ANKRD36: variants seen among roughly 807,000 people sequenced by gnomAD.
ANKRD36 encodes the protein ankyrin repeat domain-containing protein 36A.
In ANKRD36, 179 loss-of-function variants were observed where a neutral mutation model predicts 278.1. That is an observed-to-expected ratio of 0.64 (90% confidence interval 0.57 to 0.73). ANKRD36 has a LOEUF of 0.73. Ranked by LOEUF, ANKRD36 falls within the 30% of genes least tolerant of loss-of-function variation. The probability of loss-of-function intolerance (pLI) is 0.00; values close to 1 mark genes in which losing one functional copy is unlikely to be tolerated. For synonymous variants in ANKRD36, 320 were observed against 641.1 expected (o/e 0.50, Z 7.57); for missense variants, 1,159 against 1,956.7 (o/e 0.59, Z 7.69).
chr2:97,129,076 C>T (rs2039378945), intron 6 of ANKRD36, among the ~76,000 whole-genome samples: 1 of 152,086 alleles, frequency 6.6e-6, no homozygotes, highest in South Asian at 2.1e-4. Context: ...AACTAGTTTA[C>T]AGTCCCACCA....
intron 3 of ANKRD36, among the ~76,000 whole-genome samples, chr2:97,120,728 A>G (rs2036566331): frequency 6.6e-6 from 1 of 152,116 alleles, no homozygotes; most frequent in African/African-American, 2.4e-5. Context: ...TTACATGAAA[A>G]TACTTGTGTT....
At chr2:97,260,446 GT>G (rs1559062951) in intron 75 of ANKRD36, among the ~76,000 whole-genome samples, 1 of 127,692 alleles carries the variant, frequency 7.8e-6, no homozygotes, top group East Asian at 3.3e-4. Context: ...ACACACACAC[GT>G]TTTCTGGACA....
intron 42 of ANKRD36, among the ~76,000 whole-genome samples, chr2:97,198,198 T>A (rs1383740430): frequency 2.6e-5 from 4 of 151,928 alleles, no homozygotes; most frequent in African/African-American, 7.2e-5. Context: ...ATATCCACGT[T>A]GATAGTGACA....
chr2:97,138,317 T>C (rs1209802451), intron 6 of ANKRD36, among the ~76,000 whole-genome samples: 1 of 152,004 alleles, frequency 6.6e-6, no homozygotes, highest in Non-Finnish European at 1.5e-5. Flanking sequence ...CACTAAATCA[T>C]GAGTGAACTC....
In ANKRD36 at chr2:97,207,966, T is replaced by A; in HGVS notation, c.3225T>A (p.Asn1075Lys). The change falls in exon 54 of 76, where the codon AAT becomes AAA. Residue 1075 changes from asparagine to lysine, a missense_variant. Physicochemically the swap from Asn to Lys is moderately conservative, Grantham distance 94. Coordinates refer to ENST00000420699, the MANE Select transcript of ANKRD36 (RefSeq NM_001354587.1). ...ATSAEKDSVL[N>K]IARGKKYGEK... ...GTGCCGAGAAAGATTCTGTTTTGAA[T>A]ATAGCCAGAGGAAAAAAGTATGGAG... 3 of 1,524,884 alleles carry A rather than the reference T, an allele frequency of 2.0e-6. No homozygotes were observed. The highest frequency in any genetic ancestry group is 2.6e-6 in the Non-Finnish European group (3 of 1,133,612). 94.5% of individuals were successfully genotyped at this position (1,524,884 alleles called of 1,614,324 possible).
chr2:97,142,259 G>C (rs2043102127), intron 6 of ANKRD36, among the ~76,000 whole-genome samples: 1 of 152,254 alleles, frequency 6.6e-6, no homozygotes, highest in Non-Finnish European at 1.5e-5. Context: ...CTCATCTCTT[G>C]CACTAAAGAC....
At chr2:97,248,406 T>G (rs1345383726) in intron 72 of ANKRD36, 1 of 114,216 alleles carries the variant, frequency 8.8e-6, no homozygotes, top group Non-Finnish European at 1.5e-5. Flanking sequence ...ATCTTTGCAG[T>G]TTAAGATGAC....
At chr2:97,242,534 G>A (rs1269183091) in intron 69 of ANKRD36, among the ~76,000 whole-genome samples, 2 of 138,590 alleles carry the variant, frequency 1.4e-5, no homozygotes, top group Non-Finnish European at 3.0e-5. Flanking sequence ...TAGACTGAAA[G>A]TGTTACCCAA....
chr2:97,127,398 A>G lies in ANKRD36; in HGVS notation c.799+264A>G, dbSNP rs935374009. ...CCTTTTTGTGTAAATAAGAAAACAA[A>G]TTTTTAAGTTATTATGTTGTATGTT... On this transcript the variant is annotated intron_variant, in intron 6 of 75. Transcript: ENST00000420699. Among the ~76,000 whole-genome samples the G allele has an allele frequency of 2.0e-5, 3 of 151,932 alleles. 1 individual carries two copies. In the Admixed American group the frequency reaches 2.0e-4, roughly 10 times the overall value.
At chr2:97,213,038 T>C (rs1014050292) in intron 58 of ANKRD36, 1 of 484,626 alleles carries the variant, frequency 2.1e-6, no homozygotes, top group African/African-American at 2.0e-5. Flanking sequence ...CCTTCTGATT[T>C]CTTGCATGGA....
intron 22 of ANKRD36, among the ~76,000 whole-genome samples, chr2:97,177,663 T>C (rs1345656112): frequency 6.6e-6 from 1 of 151,858 alleles, no homozygotes; most frequent in Non-Finnish European, 1.5e-5. Flanking sequence ...TTACACCTTA[T>C]ACAAAAATCA....
intron 4 of ANKRD36, among the ~76,000 whole-genome samples, chr2:97,123,711 A>G (rs1456170343): frequency 2.8e-5 from 4 of 142,614 alleles, no homozygotes; most frequent in Non-Finnish European, 6.1e-5. Context: ...AAGTATGTGC[A>G]TATATTATAT....
chr2:97,158,684 A>G (rs2048131574), intron 17 of ANKRD36, 29 bp downstream of exon 17: 1 of 1,529,018 alleles, frequency 6.5e-7, no homozygotes, highest in South Asian at 1.2e-5. Context: ...AAAAGCCAAC[A>G]TAGAATAATC....
chr2:97,198,413 A>C, intron 42 of ANKRD36, 50 bp from the exon 43 acceptor site: 2 of 1,559,886 alleles, frequency 1.3e-6, no homozygotes, highest in Non-Finnish European at 1.7e-6. Flanking sequence ...TGTATGGATA[A>C]TTTTGTCGTT....
chr2:97,117,230 C>T (rs973486269), intron 1 of ANKRD36, among the ~76,000 whole-genome samples: 16 of 151,738 alleles, frequency 1.1e-4, no homozygotes, highest in Non-Finnish European at 1.9e-4. Context: ...CATTTGAATC[C>T]TGAGTTTTCT....
At chr2:97,250,437 C>T (rs1317142152) in intron 75 of ANKRD36, among the ~76,000 whole-genome samples, 1 of 139,186 alleles carries the variant, frequency 7.2e-6, no homozygotes, top group Non-Finnish European at 1.5e-5. Flanking sequence ...CTACACTTTT[C>T]TTCTGCCACC....
chr2:97,146,484 A>G lies in ANKRD36; in HGVS notation c.1004-2A>G, dbSNP rs182630489. The G allele has an allele frequency of 6.6e-7, 1 of 1,518,108 alleles. No homozygotes were observed. The highest frequency in any genetic ancestry group is 1.4e-5 in the African/African-American group (1 of 72,442). The allele number at this position is 1,518,108 out of a possible 1,614,324, so 94.0% of individuals were successfully genotyped here. A position where few individuals can be genotyped will look rare whatever the true frequency, so the allele number is the denominator to read the frequency against. ...AAATGCATTTTACTTTTTGTTTAAT[A>G]GTGCTTCCTGCTGTTGAACAGTGTT... is the stretch of plus-strand genomic sequence containing the variant. On this transcript the variant is annotated splice_acceptor_variant, in intron 10 of 75. Coordinates refer to ENST00000420699, the MANE Select transcript of ANKRD36 (RefSeq NM_001354587.1). LOFTEE classifies it high-confidence loss of function.
chr2:97,124,465 C>T lies in ANKRD36; in HGVS notation c.599C>T (p.Ala200Val). ...TTACCTCTCTGTTATTTTAGATCAG[C>T]CCTCATACATGCTGTTACTCTTGGA... ...VNAIDYLGRS[A>V]LIHAVTLGEK... Residue 200 changes from alanine to valine, a missense_variant, in exon 5 of 76, where the codon GCC becomes GTC. Coordinates refer to ENST00000420699, the MANE Select transcript of ANKRD36 (RefSeq NM_001354587.1). 2 of 1,548,512 alleles carry T rather than the reference C, an allele frequency of 1.3e-6. No individual in the cohort carries two copies. The highest frequency in any genetic ancestry group is 2.4e-5 in the East Asian group (1 of 40,854).
chr2:97,228,411 A>G (rs1193913165), intron 67 of ANKRD36, among the ~76,000 whole-genome samples: 1 of 152,058 alleles, frequency 6.6e-6, no homozygotes, highest in Non-Finnish European at 1.5e-5. Context: ...TAGATTTTCT[A>G]GTTTATTTGT....
Sources: allele counts gnomAD v4.1 joint callset (sites outside exome capture counted in the v4.1 genomes callset), GRCh38; gene constraint gnomAD v4.1.1; transcripts MANE v1.5; gene names NCBI Gene and HGNC (gene_info 2026-07-23, HGNC 2026-07-21).